Variants in HK1 observed in about 807,000 individuals in gnomAD.
HK1 encodes the protein hexokinase 1, also known as hexokinase-1.
A neutral mutation model predicts 91.6 loss-of-function variants in HK1; 28 were observed. That is an observed-to-expected ratio of 0.31 (90% confidence interval 0.23 to 0.42). The LOEUF is 0.42. HK1 is among the 10% of genes least tolerant of loss of function. HK1 has a pLI of 1.00. For missense variants in HK1, 770 were observed against 1,219.8 expected (o/e 0.63, Z 5.49); for synonymous variants, 430 against 468.1 (o/e 0.92, Z 1.05).
chr10:69,373,405 T>C (rs1194873450), intron 7 of HK1, among the ~76,000 whole-genome samples: 1 of 152,188 alleles, frequency 6.6e-6, no homozygotes, highest in East Asian at 1.9e-4. Context: ...GCTTTGAGTG[T>C]TCAGGCCCCA....
intron 5 of HK1, among the ~76,000 whole-genome samples, chr10:69,304,599 C>T (rs563484917): frequency 2.0e-5 from 3 of 152,232 alleles, no homozygotes; most frequent in African/African-American, 7.2e-5. Context: ...TGAGCCACTG[C>T]GCTCAGCCTC....
At chr10:69,384,034 C>T (rs940106433) in intron 10 of HK1, among the ~76,000 whole-genome samples, 1 of 152,242 alleles carries the variant, frequency 6.6e-6, no homozygotes, top group Non-Finnish European at 1.5e-5. Flanking sequence ...CACACCTTGA[C>T]ATAAATTATT....
intron 1 of HK1, among the ~76,000 whole-genome samples, chr10:69,330,223 G>C (rs990306538): frequency 2.0e-5 from 3 of 152,216 alleles, no homozygotes; most frequent in African/African-American, 7.2e-5. Flanking sequence ...GTCTGGGTGG[G>C]TGTGGTGAGT....
At chr10:69,330,245 C>A (rs1847638602) in intron 1 of HK1, among the ~76,000 whole-genome samples, 1 of 152,180 alleles carries the variant, frequency 6.6e-6, no homozygotes, top group Non-Finnish European at 1.5e-5. Flanking sequence ...AAGTAGGAGA[C>A]CCAGGCTACT....
At chr10:69,319,141 C>T (rs1480416810) in intron 1 of HK1, 131 bp downstream of exon 1, 4 of 1,096,326 alleles carry the variant, frequency 3.6e-6, no homozygotes, top group Non-Finnish European at 4.1e-6. Context: ...GACTGCAGGG[C>T]GCAAGGAAAG....
intron 1 of HK1, among the ~76,000 whole-genome samples, chr10:69,335,706 C>T (rs924897512): frequency 6.6e-6 from 1 of 152,196 alleles, no homozygotes; most frequent in African/African-American, 2.4e-5. Flanking sequence ...CAGGTAAACG[C>T]GCTGTGCCAA....
chr10:69,389,479 T>TGGGGGG, intron 14 of HK1, 183 bp downstream of exon 14: 6 of 196,912 alleles, frequency 3.0e-5, no homozygotes, highest in Admixed American at 6.6e-5. Flanking sequence ...CGGGGGGAGG[T>TGGGGGG]GGGGGGGCCT....
At chr10:69,318,345 G>A (rs1846769774), upstream of HK1, 24 of 495,106 alleles carry the variant, frequency 4.8e-5, no homozygotes, top group Non-Finnish European at 5.8e-5. Context: ...ACTTCTGCAA[G>A]TCCCCTCCGG....
chr10:69,301,009 C>T lies in HK1; in HGVS notation c.27+148C>T, dbSNP rs190527723. On this transcript the variant is annotated intron_variant, in intron 5 of 21. Transcript: ENST00000360289. The stretch of plus-strand genomic sequence containing the variant: ...CCTGTAATCCCAGCACTTTGGGAGG[C>T]TGAGGCAGGTGGATCACAAGGTCAG... 3.6e-4 allele frequency: 197 copies of T among 545,330 alleles called. 1 individual carries two copies. The highest frequency in any genetic ancestry group is 3.6e-3 in the African/African-American group (185 of 52,094). 33.8% of individuals were successfully genotyped at this position (545,330 alleles called of 1,614,324 possible).
intron 3 of HK1, among the ~76,000 whole-genome samples, chr10:69,295,331 C>T (rs1845505792): frequency 6.6e-6 from 1 of 152,194 alleles, no homozygotes; most frequent in Non-Finnish European, 1.5e-5. Flanking sequence ...TTGTGGGCTC[C>T]TTGAGGGCCG....
intron 1 of HK1, among the ~76,000 whole-genome samples, chr10:69,276,581 C>T (rs1197270446): frequency 6.6e-6 from 1 of 151,854 alleles, no homozygotes; most frequent in African/African-American, 2.4e-5. Flanking sequence ...ATTGCTCCAA[C>T]CCGGGAGGCG....
At chr10:69,328,455 T>G (rs1847506590) in intron 1 of HK1, among the ~76,000 whole-genome samples, 1 of 152,136 alleles carries the variant, frequency 6.6e-6, no homozygotes, top group South Asian at 2.1e-4. Context: ...AAGCCAACAT[T>G]CATTGTTGTA....
chr10:69,330,390 A>T lies in HK1; in HGVS notation c.63+11380A>T, dbSNP rs1335334708. On this transcript the variant is annotated intron_variant, in intron 1 of 17. Transcript: ENST00000359426. ...AGGAATTTCTTCCTGCATCTTACATATGGGGCAGGTGAGTCCCAGGAAGTG... is the reference window on the plus strand; with the variant it reads ...AGGAATTTCTTCCTGCATCTTACATTTGGGGCAGGTGAGTCCCAGGAAGTG... 4.0e-5 allele frequency among the ~76,000 whole-genome samples: 6 copies of T among 151,522 alleles called. 1 individual carries two copies. In the Admixed American group the frequency reaches 4.0e-4, roughly 10 times the overall value.
chr10:69,292,244 A>AT (rs754360674), intron 3 of HK1: 518 of 322,416 alleles, frequency 1.6e-3, no homozygotes, highest in South Asian at 1.8e-3. Context: ...CCAGTTTTTA[A>AT]TTTTTTTTTG....
At position 69,369,737 on chromosome 10, in the gene HK1, G is replaced by A. The variant is rs1228010963; in HGVS notation, c.875+113G>A. ...AAGCCAAGTGATCACAAACAGAAAA[G>A]CCTGTCACATTTTTTTTTTGAGGCG... On this transcript the variant is annotated intron_variant, in intron 7 of 17. Transcript: ENST00000359426. This position sits in a 1 kb window ranked among gnomAD's most constrained non-coding sequence, Gnocchi z 4.4. 4.6e-6 allele frequency: 5 copies of A among 1,087,928 alleles called. No individual in the cohort carries two copies. In the African/African-American group the frequency reaches 6.3e-5, roughly 14 times the overall value. 67.4% of individuals were successfully genotyped at this position (1,087,928 alleles called of 1,614,324 possible).
intron 7 of HK1, among the ~76,000 whole-genome samples, chr10:69,374,624 G>A (rs1838987036): frequency 6.6e-6 from 1 of 152,238 alleles, no homozygotes. Flanking sequence ...AAGCTCGTGA[G>A]AGGTGCTATT....
Position 69,369,169 on chromosome 10 carries a change from G to T in HK1, c.592-68G>T. 1 of 1,182,736 alleles carries T rather than the reference G, an allele frequency of 8.5e-7. No individual in the cohort carries two copies. Among genetic ancestry groups the T allele is most frequent in the Admixed American group, 1.7e-5 (1 of 57,544 alleles). 73.3% of individuals were successfully genotyped at this position (1,182,736 alleles called of 1,614,324 possible). A position where few individuals can be genotyped will look rare whatever the true frequency, so the allele number is the denominator to read the frequency against. On this transcript the variant is annotated intron_variant, in intron 5 of 17. Transcript: ENST00000359426. The surrounding 1 kb of genome is among the most constrained non-coding windows in gnomAD (Gnocchi z 4.4). ...GAAAACGGGAGCACTTCTGCCAAGC[G>T]CTGTTAAGGTGTGTGATCTCTGCTC...
At chr10:69,291,036 A>G (rs1215214830) in intron 3 of HK1, among the ~76,000 whole-genome samples, 2 of 152,268 alleles carry the variant, frequency 1.3e-5, no homozygotes, top group Admixed American at 1.3e-4. Context: ...GCTCTGGGAA[A>G]GAAGGAGCCC....
intron 2 of HK1, among the ~76,000 whole-genome samples, chr10:69,282,998 C>T (rs891564608): frequency 2.7e-5 from 4 of 150,552 alleles, no homozygotes; most frequent in Admixed American, 6.7e-5. Context: ...TGGTGGCAGG[C>T]GCCTGTAATC....
Sources: allele counts gnomAD v4.1 joint callset (sites outside exome capture counted in the v4.1 genomes callset), GRCh38; gene constraint gnomAD v4.1.1; non-coding constraint Gnocchi (gnomAD v3.1); transcripts MANE v1.5; gene names NCBI Gene and HGNC (gene_info 2026-07-23, HGNC 2026-07-21).